The following SMYD3 variants were observed in gnomAD, a reference collection of about 807,000 sequenced individuals.
The protein encoded by SMYD3 is histone-lysine N-methyltransferase SMYD3.
In SMYD3, 36 loss-of-function variants were observed where a neutral mutation model predicts 57.7. The observed-to-expected ratio is 0.62, with a 90% confidence interval of 0.48 to 0.82. The LOEUF (loss-of-function observed/expected upper bound fraction) is 0.82. Among genes scored for constraint, SMYD3 ranks in the 40% least tolerant of loss-of-function variants. The probability of loss-of-function intolerance (pLI) is 0.00; values close to 1 mark genes in which losing one functional copy is unlikely to be tolerated. For missense variants in SMYD3, 515 were observed against 538.8 expected, an observed-to-expected ratio of 0.96 and a Z score of 0.44; for synonymous variants, 211 against 195.0, an observed-to-expected ratio of 1.08 and a Z score of -0.68.
intron 1 of SMYD3, among the ~76,000 whole-genome samples, chr1:246,433,534 GCCTGTAATC>G (rs2067329121): frequency 6.6e-6 from 1 of 152,068 alleles, no homozygotes; most frequent in Non-Finnish European, 1.5e-5. Flanking sequence ...GCTGGCACGC[GCCTGTAATC>G]CCAGCTACTC....
chr1:245,749,736 C>CTGGCATCATGGGGTAA, intron 11 of SMYD3, 72 bp from the exon 12 acceptor site: 2 of 1,219,594 alleles, frequency 1.6e-6, no homozygotes, highest in Non-Finnish European at 2.4e-6. Context: ...ACCTTTACCC[C>CTGGCATCATGGGGTAA]ATGATGCCAG....
chr1:246,029,400 G>A (rs1036494640), intron 5 of SMYD3, among the ~76,000 whole-genome samples: 1 of 152,132 alleles, frequency 6.6e-6, no homozygotes, highest in African/African-American at 2.4e-5. Flanking sequence ...GGCCAGGCAC[G>A]GTGGCTCATG....
At chr1:246,377,253 C>T (rs2066294568) in intron 1 of SMYD3, among the ~76,000 whole-genome samples, 2 of 150,398 alleles carry the variant, frequency 1.3e-5, no homozygotes, top group Admixed American at 1.3e-4. Context: ...TAATGTCTGG[C>T]TTAATAGAAA....
intron 5 of SMYD3, among the ~76,000 whole-genome samples, chr1:246,309,409 A>G (rs2065037787): frequency 6.6e-6 from 1 of 152,204 alleles, no homozygotes; most frequent in South Asian, 2.1e-4. Flanking sequence ...ACAGGAATAG[A>G]ATAACCAAAA....
At chr1:246,429,219 T>C (rs1240280210) in intron 1 of SMYD3, among the ~76,000 whole-genome samples, 1 of 151,834 alleles carries the variant, frequency 6.6e-6, no homozygotes, top group Non-Finnish European at 1.5e-5. Flanking sequence ...GAATGTTGAG[T>C]AGAAGCCACA....
At chr1:246,250,835 C>G (rs1558350047) in intron 5 of SMYD3, among the ~76,000 whole-genome samples, 2 of 152,112 alleles carry the variant, frequency 1.3e-5, no homozygotes, top group Non-Finnish European at 2.9e-5. Flanking sequence ...AAATGTAAAC[C>G]TGAAAGCCCA....
At chr1:246,183,965 T>C (rs754220665) in intron 5 of SMYD3, among the ~76,000 whole-genome samples, 9 of 152,322 alleles carry the variant, frequency 5.9e-5, no homozygotes, top group Admixed American at 3.3e-4. Context: ...CAAAGCGCTT[T>C]AATAAATGAT....
chr1:245,935,023 T>C (rs762998686), intron 5 of SMYD3, among the ~76,000 whole-genome samples: 1 of 152,194 alleles, frequency 6.6e-6, no homozygotes, highest in Non-Finnish European at 1.5e-5. Context: ...CAGAAGCAAG[T>C]AGGAGATATG....
chr1:246,443,535 G>A (rs1329467643), intron 1 of SMYD3, among the ~76,000 whole-genome samples: 1 of 152,200 alleles, frequency 6.6e-6, no homozygotes, highest in Non-Finnish European at 1.5e-5. Context: ...ACACTTGAAA[G>A]AAATAAGTCC....
At chr1:246,441,760 T>G (rs2067474789) in intron 1 of SMYD3, among the ~76,000 whole-genome samples, 1 of 152,170 alleles carries the variant, frequency 6.6e-6, no homozygotes, top group South Asian at 2.1e-4. Flanking sequence ...CACAGGCACA[T>G]GCCAGCATGT....
intron 1 of SMYD3, among the ~76,000 whole-genome samples, chr1:246,366,630 G>A (rs917330609): frequency 6.6e-6 from 1 of 151,668 alleles, no homozygotes; most frequent in African/African-American, 2.4e-5. Flanking sequence ...TGACACGCTT[G>A]GGGAGCATAG....
At chr1:245,894,093 GA>G (rs1463969302) in intron 8 of SMYD3, among the ~76,000 whole-genome samples, 2 of 152,178 alleles carry the variant, frequency 1.3e-5, no homozygotes, top group Admixed American at 6.5e-5. Context: ...GTGGAGTGGG[GA>G]ATTGGAGAAC....
At chr1:245,917,016 T>C (rs564546626) in intron 7 of SMYD3, among the ~76,000 whole-genome samples, 33 of 124,684 alleles carry the variant, frequency 2.6e-4, no homozygotes, top group Middle Eastern at 3.9e-3. Flanking sequence ...GTGACTCTAA[T>C]AATAAAACAT....
chr1:245,924,978 A>G (rs1167663944), intron 7 of SMYD3, among the ~76,000 whole-genome samples: 1 of 151,922 alleles, frequency 6.6e-6, no homozygotes, highest in Non-Finnish European at 1.5e-5. Flanking sequence ...TCCAGCTCTT[A>G]TTTTATCTTT....
At chr1:245,940,350 G>A (rs980565791) in intron 5 of SMYD3, among the ~76,000 whole-genome samples, 3 of 152,016 alleles carry the variant, frequency 2.0e-5, no homozygotes, top group Non-Finnish European at 4.4e-5. Flanking sequence ...TCCCAACTGG[G>A]GTCACTAGAT....
At chr1:245,908,743 G>A (rs2054754289) in intron 8 of SMYD3, among the ~76,000 whole-genome samples, 1 of 152,090 alleles carries the variant, frequency 6.6e-6, no homozygotes, top group African/African-American at 2.4e-5. Context: ...TTGAGAAAAA[G>A]ATCAAAAACT....
intron 10 of SMYD3, chr1:245,814,236 C>T (rs1015429948): frequency 3.1e-6 from 1 of 318,848 alleles, no homozygotes; most frequent in Non-Finnish European, 4.5e-6. Context: ...CATTTCTGGT[C>T]TACTCCTGTT....
At chr1:246,010,493 G>A (rs2059262665) in intron 5 of SMYD3, among the ~76,000 whole-genome samples, 1 of 152,164 alleles carries the variant, frequency 6.6e-6, no homozygotes, top group Admixed American at 6.5e-5. Context: ...CTCCCTCTCT[G>A]TTTTCTTCAT....
chr1:245,915,414 T>C (rs2055332781), intron 8 of SMYD3, 116 bp downstream of exon 8: 1 of 598,662 alleles, frequency 1.7e-6, no homozygotes, highest in South Asian at 2.9e-5. Flanking sequence ...ATTTATCTGT[T>C]TCCTACCATG....
Sources: allele counts gnomAD v4.1 joint callset (sites outside exome capture counted in the v4.1 genomes callset), GRCh38; gene constraint gnomAD v4.1.1; transcripts MANE v1.5; gene names NCBI Gene and HGNC (gene_info 2026-07-23, HGNC 2026-07-21).